The following OTOGL variants were observed in gnomAD, a reference collection of about 807,000 sequenced individuals.
OTOGL encodes otogelin like, also known as otogelin-like protein.
OTOGL carries 285 observed loss-of-function variants against 318.5 expected under a neutral mutation model. The ratio of observed to expected loss-of-function variants is 0.89; its 90% CI spans 0.81 to 0.99. The LOEUF is 0.99. Among genes scored for constraint, OTOGL ranks in the 50% least tolerant of loss-of-function variants. OTOGL has a pLI of 0.00. For missense variants in OTOGL, 2,899 were observed against 2,845.6 expected (o/e 1.02, Z -0.43); for synonymous variants, 987 against 936.5 (o/e 1.05, Z -0.99).
At chr12:80,102,423 G>A (rs1869193092) in intron 1 of OTOGL, among the ~76,000 whole-genome samples, 1 of 152,140 alleles carries the variant, frequency 6.6e-6, no homozygotes, top group African/African-American at 2.4e-5. Context: ...TTGCCTAGTA[G>A]TCCAAGCCAG....
intron 49 of OTOGL, among the ~76,000 whole-genome samples, chr12:80,357,403 C>T (rs1889975163): frequency 6.9e-6 from 1 of 145,190 alleles, no homozygotes; most frequent in Non-Finnish European, 1.5e-5. Context: ...ATAAAGAATT[C>T]TCTAATTTTT....
chr12:80,378,388 T>A lies in OTOGL; in HGVS notation c.*340T>A, dbSNP rs936805664. 5 of 197,198 alleles carry A rather than the reference T, an allele frequency of 2.5e-5. No individual in the cohort carries two copies. Among genetic ancestry groups the A allele is most frequent in the Non-Finnish European group, 4.2e-5 (4 of 95,092 alleles). 12.2% of individuals were successfully genotyped at this position (197,198 alleles called of 1,614,324 possible). ...TCAATTTCACTCAGTAGCTCTTTTT[T>A]TCTTAATTTGCAAAGTCTGCTATAG... is the stretch of plus-strand genomic sequence containing the variant. On this transcript the variant is annotated 3_prime_UTR_variant, in exon 59 of 59. Transcript: ENST00000547103.
chr12:80,314,926 A>C (rs1280888216), intron 32 of OTOGL, among the ~76,000 whole-genome samples: 1 of 152,214 alleles, frequency 6.6e-6, no homozygotes, highest in Non-Finnish European at 1.5e-5. Context: ...ATTTGCAACA[A>C]CACGGATGAA....
At chr12:80,191,985 C>T (rs2137263736) in intron 1 of OTOGL, among the ~76,000 whole-genome samples, 1 of 152,312 alleles carries the variant, frequency 6.6e-6, no homozygotes, top group Middle Eastern at 3.4e-3. Flanking sequence ...TAAGTTATTA[C>T]ATTAGCTATC....
At position 80,213,372 on chromosome 12, in the gene OTOGL, C is replaced by T. The variant is rs115037391; in HGVS notation, c.168+1375C>T. 4.2e-3 allele frequency among the ~76,000 whole-genome samples: 636 copies of T among 152,230 alleles called. 5 individuals are homozygous for T. Among genetic ancestry groups the T allele is most frequent in the African/African-American group, 0.015 (613 of 41,540 alleles). Reference sequence around the variant, plus strand: ...CATCTTGGTTTTGGCAGGATTGGGCCGGTTTCTTTACTGCAGGGTCTTTAT... The same window carrying T: ...CATCTTGGTTTTGGCAGGATTGGGCTGGTTTCTTTACTGCAGGGTCTTTAT... On this transcript the variant is annotated intron_variant, in intron 4 of 58. Transcript: ENST00000547103.
At chr12:80,284,143 C>T (rs1388870312) in intron 26 of OTOGL, among the ~76,000 whole-genome samples, 1 of 152,084 alleles carries the variant, frequency 6.6e-6, no homozygotes, top group African/African-American at 2.4e-5. Context: ...GTTTTCTGTT[C>T]CTGCATTAGT....
At chr12:80,107,548 T>C (rs1372720020) in intron 1 of OTOGL, among the ~76,000 whole-genome samples, 1 of 152,182 alleles carries the variant, frequency 6.6e-6, no homozygotes, top group East Asian at 1.9e-4. Flanking sequence ...TGGTGGTTTC[T>C]CAAAGAACTT....
intron 52 of OTOGL, 58 bp from the exon 53 acceptor site, chr12:80,366,516 T>TATATATATATAC (rs963898986): frequency 7.5e-6 from 2 of 266,066 alleles, no homozygotes; most frequent in African/African-American, 4.6e-5. Context: ...ATAGGTTATA[T>TATATATATATAC]ATATATATAT....
intron 8 of OTOGL, among the ~76,000 whole-genome samples, chr12:80,232,335 T>G (rs1186497690): frequency 1.3e-5 from 2 of 152,182 alleles, no homozygotes; most frequent in Non-Finnish European, 2.9e-5. Context: ...TTGATTTTTT[T>G]TAGAAAACAA....
At chr12:80,110,949 G>A (rs1478527894) in intron 1 of OTOGL, among the ~76,000 whole-genome samples, 1 of 152,162 alleles carries the variant, frequency 6.6e-6, no homozygotes, top group Non-Finnish European at 1.5e-5. Context: ...ATTCTAACTG[G>A]TGTGAAATGA....
At chr12:80,184,523 A>G (rs988765110) in intron 1 of OTOGL, among the ~76,000 whole-genome samples, 1 of 152,292 alleles carries the variant, frequency 6.6e-6, no homozygotes, top group East Asian at 1.9e-4. Flanking sequence ...ATTGTTTTCT[A>G]AAGTCTGAAG....
At chr12:80,267,373 C>G (rs376923676) in intron 22 of OTOGL, 46 bp downstream of exon 22, 132 of 1,075,228 alleles carry the variant, frequency 1.2e-4, no homozygotes, top group Non-Finnish European at 1.3e-4. Flanking sequence ...GATGTATGTT[C>G]TAATATAATT....
chr12:80,204,929 G>C (rs1876708071), intron 1 of OTOGL, among the ~76,000 whole-genome samples: 1 of 152,062 alleles, frequency 6.6e-6, no homozygotes, highest in Non-Finnish European at 1.5e-5. Flanking sequence ...CAACTTTGGT[G>C]GTAAAGGATT....
intron 9 of OTOGL, among the ~76,000 whole-genome samples, chr12:80,235,715 C>T (rs1879786059): frequency 6.6e-6 from 1 of 152,044 alleles, no homozygotes; most frequent in Non-Finnish European, 1.5e-5. Flanking sequence ...GGAAGACTGG[C>T]AGAAGGCAAT....
intron 1 of OTOGL, among the ~76,000 whole-genome samples, chr12:80,107,382 C>G (rs1485011372): frequency 6.6e-6 from 1 of 152,120 alleles, no homozygotes; most frequent in Non-Finnish European, 1.5e-5. Context: ...GGGATACCAT[C>G]TCACATCAGT....
At position 80,222,187 on chromosome 12, in the gene OTOGL, A is replaced by G. The variant is rs1878410999; in HGVS notation, c.431A>G (p.Asn144Ser). The change falls in exon 7 of 59, where the codon AAC (asparagine) becomes AGC (serine). Residue 144 changes from asparagine (N) to serine (S), a missense_variant. Transcript: ENST00000547103. ...GGCATCTACTATTACTTCCCAGGAA[A>G]CTGTTCTTACATTTTTGCAAAGGAC... is the stretch of plus-strand genomic sequence containing the variant. ...FDGIYYYFPG[N>S]CSYIFAKDCG... The G allele has an allele frequency of 3.1e-6, 5 of 1,598,276 alleles. No individual in the cohort carries two copies. The highest frequency in any genetic ancestry group is 3.4e-6 in the Non-Finnish European group (4 of 1,178,780).
intron 43 of OTOGL, among the ~76,000 whole-genome samples, chr12:80,341,477 C>G (rs1267515106): frequency 6.6e-6 from 1 of 152,134 alleles, no homozygotes; most frequent in African/African-American, 2.4e-5. Context: ...ATGTCATGCA[C>G]TAGGTGATGG....
In OTOGL at chr12:80,278,987, G is replaced by A. The variant is rs370436247; in HGVS notation, c.2790-41G>A. 226 of 1,578,660 alleles carry A rather than the reference G, an allele frequency of 1.4e-4. No individual in the cohort carries two copies. In the Middle Eastern group the frequency reaches 1.8e-3, roughly 13 times the overall value. On this transcript the variant is annotated intron_variant, in intron 25 of 58. Transcript: ENST00000547103. ...CTGTCACTTGAAATCACTAGTTAGA[G>A]TCGTTTCTTTAGAAAGGTAACTTTT...
intron 1 of OTOGL, among the ~76,000 whole-genome samples, chr12:80,203,896 A>G (rs1876631327): frequency 6.6e-6 from 1 of 152,186 alleles, no homozygotes; most frequent in Non-Finnish European, 1.5e-5. Context: ...CTGTGCTTCT[A>G]ATAGGTTCGC....
Sources: gnomAD v4.1 joint callset for allele counts (sites outside exome capture counted in the v4.1 genomes callset) on GRCh38, gnomAD v4.1.1 for gene constraint, MANE v1.5 for transcripts, NCBI Gene and HGNC (gene_info 2026-07-23, HGNC 2026-07-21) for gene names.